Variants in JAKMIP3 observed in about 807,000 individuals in gnomAD.
JAKMIP3 encodes the protein Janus kinase and microtubule interacting protein 3.
A neutral mutation model predicts 118.5 loss-of-function variants in JAKMIP3; 58 were observed. The observed-to-expected ratio is 0.49, with a 90% confidence interval of 0.40 to 0.61. The LOEUF (loss-of-function observed/expected upper bound fraction) is 0.61. Among genes scored for constraint, JAKMIP3 ranks in the 20% least tolerant of loss-of-function variants. The pLI is 0.00. For missense variants in JAKMIP3, 950 were observed against 1,109.0 expected (o/e 0.86, Z 2.04); for synonymous variants, 486 against 451.2 (o/e 1.08, Z -0.98).
chr10:132,080,503 ATTTTTTTTTTTTTTTTTTTTT>A lies in JAKMIP3; in HGVS notation c.-138+14458_-138+14478del, dbSNP rs201838731. On this transcript the variant is annotated intron_variant, in intron 1 of 23. Transcript: ENST00000684848. ...TATTTTCTTGCTGTCAAGTTATAGGATTTTTTTTTTTTTTTTTTTTTTTTTTTTTTTTTTTTAAGATGGAGT... is the reference window on the plus strand; with the variant it reads ...TATTTTCTTGCTGTCAAGTTATAGGATTTTTTTTTTTTTTTAAGATGGAGT... Among the ~76,000 whole-genome samples, 12 of 61,580 alleles carry A rather than the reference ATTTTTTTTTTTTTTTTTTTTT, an allele frequency of 1.9e-4. 1 individual carries two copies. Among genetic ancestry groups the A allele is most frequent in the Admixed American group, 1.5e-3 (7 of 4,526 alleles). 40.4% of individuals were successfully genotyped at this position (61,580 alleles called of 152,430 possible).
At chr10:132,109,790 G>A (rs140961512) in intron 2 of JAKMIP3, among the ~76,000 whole-genome samples, 2 of 152,312 alleles carry the variant, frequency 1.3e-5, no homozygotes, top group African/African-American at 4.8e-5. Context: ...CGGGGCCCCT[G>A]GGCTCTTGCA....
At position 132,049,609 on chromosome 10, in the gene JAKMIP3, G is replaced by A. The variant is rs948169060; in HGVS notation, c.-138+12871G>A. 1.3e-5 allele frequency among the ~76,000 whole-genome samples: 2 copies of A among 151,698 alleles called. No individual in the cohort carries two copies. The highest frequency in any genetic ancestry group is 2.9e-5 in the Non-Finnish European group (2 of 67,998). On this transcript the variant is annotated intron_variant, in intron 1 of 23. Coordinates refer to the JAKMIP3 transcript ENST00000657785. The surrounding 1 kb of genome is among the most constrained non-coding windows in gnomAD (Gnocchi z 4.3). The stretch of plus-strand genomic sequence containing the variant: ...ATATCCTTGAATGCTGTTTGCGTGT[G>A]CCCGGTTCTGTTTGGATGTACAGGT...
At position 132,040,321 on chromosome 10, in the gene JAKMIP3, C is replaced by T. The variant is rs74356238; in HGVS notation, c.-138+3583C>T. On this transcript the variant is annotated intron_variant, in intron 1 of 23. Transcript: ENST00000657785. ...CCTCAGACTTCCAGCTCCAGAACTGCGAGAAATGTCTTGTTTAGGCTGCCT... is the reference window on the plus strand; with the variant it reads ...CCTCAGACTTCCAGCTCCAGAACTGTGAGAAATGTCTTGTTTAGGCTGCCT... Among the ~76,000 whole-genome samples the T allele has an allele frequency of 5.4e-3, 815 of 152,212 alleles. 9 individuals carry two copies. Among genetic ancestry groups the T allele is most frequent in the African/African-American group, 0.017 (703 of 41,536 alleles).
At position 132,137,203 on chromosome 10, in the gene JAKMIP3, G is replaced by A. The variant is rs1034845722; in HGVS notation, c.1249-51G>A. 4.1e-5 allele frequency: 66 copies of A among 1,613,778 alleles called. No individual in the cohort carries two copies. The South Asian group carries it at 4.3e-4, about 10-fold the overall frequency. ...CCGTCCTCTGGCTCCCAAGGGGCTT[G>A]GCTAACAGGGACCCTGAGCAATTCC... On this transcript the variant is annotated intron_variant, in intron 7 of 23. Transcript: ENST00000684848.
Position 132,136,087 on chromosome 10 carries a change from G to A in JAKMIP3, c.1116+11G>A, listed in dbSNP as rs778712076. 2.5e-6 allele frequency: 4 copies of A among 1,612,310 alleles called. No individual in the cohort carries two copies. The East Asian group carries it at 6.7e-5, about 27-fold the overall frequency. On this transcript the variant is annotated intron_variant, in intron 6 of 23. Transcript: ENST00000684848. Reference sequence around the variant, plus strand: ...GAGAACATAGAAATGGTGAGGGGGTGGGGGGCTCCACGGGGCCACGGTCGC... The same window carrying A: ...GAGAACATAGAAATGGTGAGGGGGTAGGGGGCTCCACGGGGCCACGGTCGC...
Position 132,154,252 on chromosome 10 carries a change from G to A in JAKMIP3, c.2220+262G>A, listed in dbSNP as rs182628392. On this transcript the variant is annotated intron_variant, in intron 19 of 23. Transcript: ENST00000684848. The stretch of plus-strand genomic sequence containing the variant: ...GCAGTGAGAATGTTCTACAGCCTTT[G>A]TGCAGGTCACTCAAGCACAGAAACA... 7.2e-5 allele frequency among the ~76,000 whole-genome samples: 11 copies of A among 152,352 alleles called. No homozygotes were observed. The East Asian group carries it at 1.9e-3, about 27-fold the overall frequency.
At chr10:132,074,532 G>GT (rs528860941) in intron 1 of JAKMIP3, among the ~76,000 whole-genome samples, 2 of 152,012 alleles carry the variant, frequency 1.3e-5, no homozygotes, top group African/African-American at 2.4e-5. Context: ...TTTTTAATGG[G>GT]TTTTTTTCTG....
At chr10:132,173,607 A>G (rs1590039944) in intron 23 of JAKMIP3, among the ~76,000 whole-genome samples, 1 of 152,030 alleles carries the variant, frequency 6.6e-6, no homozygotes, top group East Asian at 1.9e-4. Flanking sequence ...TACAGCTGAT[A>G]TTTCATTCAT....
Position 132,168,056 on chromosome 10 carries a change from C to A in JAKMIP3, c.*126C>A. 7.8e-7 allele frequency: 1 copy of A among 1,289,586 alleles called. No individual in the cohort carries two copies. The highest frequency in any genetic ancestry group is 1.0e-6 in the Non-Finnish European group (1 of 988,826). The allele number at this position is 1,289,586 out of a possible 1,614,324, so 79.9% of individuals were successfully genotyped here. On this transcript the variant is annotated 3_prime_UTR_variant, in exon 23 of 24. Transcript: ENST00000684848. ...AAGACCCAGGGAGATTTGGTCTCTG[C>A]ACGCCCGTCCCGTGGAGGAAGAGTG...
chr10:132,121,197 T>C (rs1218564364), intron 3 of JAKMIP3, among the ~76,000 whole-genome samples: 1 of 151,950 alleles, frequency 6.6e-6, no homozygotes, highest in Non-Finnish European at 1.5e-5. Context: ...CTGCTGGACC[T>C]TTAAGCCCAG....
At chr10:132,097,912 C>T (rs1281456764) in intron 1 of JAKMIP3, among the ~76,000 whole-genome samples, 903 of 46,308 alleles carry the variant, frequency 0.019, 157 homozygotes, top group East Asian at 0.043. Flanking sequence ...CTTCCCCTTC[C>T]CCTTCCCCTT....
chr10:132,115,638 A>G (rs2135293455), intron 2 of JAKMIP3, among the ~76,000 whole-genome samples: 1 of 152,354 alleles, frequency 6.6e-6, no homozygotes, highest in East Asian at 1.9e-4. Flanking sequence ...AATAGTGCTT[A>G]AATAGTTGTC....
chr10:132,164,523 CT>C, intron 20 of JAKMIP3, 146 bp from the exon 21 acceptor site: 1 of 633,032 alleles, frequency 1.6e-6, no homozygotes, highest in South Asian at 1.9e-5. Context: ...GCAGCAAAGG[CT>C]TGTGTCCTCG....
At chr10:132,109,864 A>G (rs946786392) in intron 2 of JAKMIP3, among the ~76,000 whole-genome samples, 6 of 152,236 alleles carry the variant, frequency 3.9e-5, no homozygotes, top group Non-Finnish European at 7.3e-5. Flanking sequence ...GATTTGCCAA[A>G]CACTTGCATA....
intron 1 of JAKMIP3, among the ~76,000 whole-genome samples, chr10:132,037,508 C>T (rs904893009): frequency 1.3e-5 from 2 of 152,168 alleles, no homozygotes; most frequent in Non-Finnish European, 2.9e-5. Flanking sequence ...GGAAGCCTCC[C>T]TCCACCTGCG....
intron 1 of JAKMIP3, among the ~76,000 whole-genome samples, chr10:132,097,302 G>T (rs867975020): frequency 2.0e-5 from 3 of 152,184 alleles, no homozygotes; most frequent in African/African-American, 7.2e-5. Context: ...CCACACCGTG[G>T]GTCACTCTGC....
At chr10:132,138,211 T>C (rs1564945228) in intron 9 of JAKMIP3, 33 bp downstream of exon 9, 2 of 1,575,794 alleles carry the variant, frequency 1.3e-6, no homozygotes, top group Admixed American at 1.8e-5. Flanking sequence ...GTGCGGAGAG[T>C]ACGCCGGGTG....
At chr10:132,167,789 C>T (rs536551750) in intron 22 of JAKMIP3, among the ~76,000 whole-genome samples, 164 bp from the exon 23 acceptor site, 3 of 151,722 alleles carry the variant, frequency 2.0e-5, no homozygotes, top group South Asian at 2.1e-4. Context: ...ATCCTCTCCA[C>T]GCAGCCCTTC....
At chr10:132,125,692 C>T (rs2049412853) in intron 3 of JAKMIP3, among the ~76,000 whole-genome samples, 1 of 152,206 alleles carries the variant, frequency 6.6e-6, no homozygotes, top group Admixed American at 6.5e-5. Flanking sequence ...TCTTACATAT[C>T]ATTATTATAA....
Sources: gnomAD v4.1 joint callset for allele counts (sites outside exome capture counted in the v4.1 genomes callset) on GRCh38, gnomAD v4.1.1 for gene constraint, Gnocchi (gnomAD v3.1) non-coding constraint, MANE v1.5 for transcripts, NCBI Gene and HGNC (gene_info 2026-07-23, HGNC 2026-07-21) for gene names.